Variants in GPC6 observed in about 807,000 individuals in gnomAD.
GPC6 encodes the protein glypican-6.
A neutral mutation model predicts 55.2 loss-of-function variants in GPC6; 14 were observed. The observed-to-expected ratio is 0.25, with a 90% CI of 0.17 to 0.40. The LOEUF (loss-of-function observed/expected upper bound fraction) is 0.40. Ranked by LOEUF, GPC6 falls within the 10% of genes least tolerant of loss-of-function variation. GPC6 has a pLI of 1.00. For synonymous variants in GPC6, 278 were observed against 259.6 expected, an observed-to-expected ratio of 1.07 and a Z score of -0.68; for missense variants, 641 against 708.5, an observed-to-expected ratio of 0.90 and a Z score of 1.08.
chr13:93,655,858 G>A (rs974641562), intron 2 of GPC6, among the ~76,000 whole-genome samples: 1 of 152,180 alleles, frequency 6.6e-6, no homozygotes, highest in African/African-American at 2.4e-5. Context: ...TCACCAAAAT[G>A]TCAAATGATG....
intron 3 of GPC6, among the ~76,000 whole-genome samples, chr13:93,840,939 A>G (rs1269302814): frequency 6.6e-6 from 1 of 152,168 alleles, no homozygotes; most frequent in Non-Finnish European, 1.5e-5. Flanking sequence ...CCCAGTCTCA[A>G]TGCTGCCCAT....
intron 2 of GPC6, among the ~76,000 whole-genome samples, chr13:93,803,540 T>C (rs1886444315): frequency 6.6e-6 from 1 of 152,162 alleles, no homozygotes; most frequent in African/African-American, 2.4e-5. Context: ...CCTCACAAGC[T>C]AAACCTAGAA....
chr13:93,742,286 A>C (rs1884233771), intron 2 of GPC6, among the ~76,000 whole-genome samples: 1 of 152,162 alleles, frequency 6.6e-6, no homozygotes, highest in Non-Finnish European at 1.5e-5. Flanking sequence ...GTTGAGTTTA[A>C]CTCATTTGAT....
At chr13:94,362,719 A>G (rs1161688558) in intron 6 of GPC6, among the ~76,000 whole-genome samples, 1 of 152,218 alleles carries the variant, frequency 6.6e-6, no homozygotes, top group Non-Finnish European at 1.5e-5. Context: ...TTTAAAATGT[A>G]GGTACATGCC....
chr13:93,709,668 T>C (rs1307298538), intron 2 of GPC6, among the ~76,000 whole-genome samples: 1 of 151,788 alleles, frequency 6.6e-6, no homozygotes, highest in Non-Finnish European at 1.5e-5. Flanking sequence ...ATTTGGATTC[T>C]TTGGTGTTTC....
At chr13:94,401,301 T>C (rs540555059) in intron 8 of GPC6, among the ~76,000 whole-genome samples, 3 of 152,190 alleles carry the variant, frequency 2.0e-5, no homozygotes, top group Non-Finnish European at 4.4e-5. Context: ...GAGAAGGAGA[T>C]AAACAGTAAG....
At chr13:93,966,627 C>T (rs1259769011) in intron 3 of GPC6, among the ~76,000 whole-genome samples, 1 of 147,696 alleles carries the variant, frequency 6.8e-6, no homozygotes, top group African/African-American at 2.5e-5. Flanking sequence ...TGAGACTTTA[C>T]TATCAGTTTT....
At chr13:93,788,665 T>G (rs1885892011) in intron 2 of GPC6, among the ~76,000 whole-genome samples, 1 of 152,008 alleles carries the variant, frequency 6.6e-6, no homozygotes, top group Non-Finnish European at 1.5e-5. Flanking sequence ...CAACGCCACA[T>G]TGTACTTATT....
intron 2 of GPC6, among the ~76,000 whole-genome samples, chr13:93,717,665 C>T (rs1883297886): frequency 6.6e-6 from 1 of 151,578 alleles, no homozygotes; most frequent in African/African-American, 2.4e-5. Context: ...GCAGAATGTG[C>T]AGGTTTGTTA....
intron 5 of GPC6, among the ~76,000 whole-genome samples, chr13:94,289,066 T>G (rs2139089735): frequency 6.6e-6 from 1 of 150,516 alleles, no homozygotes. Context: ...ATCCCAGCTG[T>G]GTAGCTAGAA....
rs545252716 is a variant in GPC6, at chr13:93,912,709, C to G, written c.711+82164C>G. 1.1e-4 allele frequency among the ~76,000 whole-genome samples: 17 copies of G among 152,268 alleles called. No homozygotes were observed. The South Asian group carries it at 2.3e-3, about 20-fold the overall frequency. ...AGTGAGCCGAGATTGCGCCACTGCA[C>G]TCCAGCCTGGGCGACAGATAGAGAC... On this transcript the variant is annotated intron_variant, in intron 3 of 8. Transcript: ENST00000377047.
intron 3 of GPC6, among the ~76,000 whole-genome samples, chr13:93,978,132 G>A (rs996226384): frequency 3.3e-5 from 5 of 152,144 alleles, no homozygotes; most frequent in African/African-American, 1.2e-4. Context: ...GCTTTATTTG[G>A]TTTTGAAGAT....
intron 4 of GPC6, among the ~76,000 whole-genome samples, chr13:94,031,790 A>C (rs929633347): frequency 1.3e-5 from 2 of 152,230 alleles, no homozygotes; most frequent in Non-Finnish European, 2.9e-5. Flanking sequence ...CATTGTTATC[A>C]ACGCTCCATA....
intron 4 of GPC6, among the ~76,000 whole-genome samples, chr13:94,272,334 A>G (rs981212270): frequency 6.6e-6 from 1 of 152,114 alleles, no homozygotes; most frequent in Non-Finnish European, 1.5e-5. Flanking sequence ...CTTTTAGGGC[A>G]AAGGAGGAGA....
intron 2 of GPC6, among the ~76,000 whole-genome samples, chr13:93,725,948 G>A (rs1485426091): frequency 6.6e-6 from 1 of 152,038 alleles, no homozygotes; most frequent in Non-Finnish European, 1.5e-5. Context: ...TTAACAATGG[G>A]TCTGTATTAA....
At chr13:93,319,828 C>T (rs890311802) in intron 1 of GPC6, among the ~76,000 whole-genome samples, 2 of 151,956 alleles carry the variant, frequency 1.3e-5, no homozygotes, top group Non-Finnish European at 2.9e-5. Flanking sequence ...GAGAAAAATA[C>T]ATATGTATTT....
At chr13:93,782,990 C>G (rs1361159401) in intron 2 of GPC6, among the ~76,000 whole-genome samples, 1 of 152,130 alleles carries the variant, frequency 6.6e-6, no homozygotes, top group Non-Finnish European at 1.5e-5. Context: ...CCTTCCCCAA[C>G]AGGCCCCAGT....
intron 1 of GPC6, among the ~76,000 whole-genome samples, chr13:93,239,973 A>G (rs538464817): frequency 3.9e-5 from 6 of 152,064 alleles, no homozygotes; most frequent in Admixed American, 1.3e-4. Flanking sequence ...TTTTAGGTTT[A>G]TTCTGCTGCA....
At chr13:93,941,635 C>T (rs908051072) in intron 3 of GPC6, among the ~76,000 whole-genome samples, 2 of 152,300 alleles carry the variant, frequency 1.3e-5, no homozygotes, top group South Asian at 2.1e-4. Flanking sequence ...ACTTCTTCCA[C>T]ATGAATGAAC....
Sources: allele counts gnomAD v4.1 joint callset (sites outside exome capture counted in the v4.1 genomes callset), GRCh38; gene constraint gnomAD v4.1.1; transcripts MANE v1.5; gene names NCBI Gene and HGNC (gene_info 2026-07-23, HGNC 2026-07-21).